The following CNTN4 variants were observed in gnomAD, a reference collection of about 807,000 sequenced individuals.
CNTN4 encodes the protein contactin-4.
In CNTN4, 77 loss-of-function variants were observed where a neutral mutation model predicts 122.5. The observed-to-expected ratio is 0.63, with a 90% CI of 0.52 to 0.76. The LOEUF (loss-of-function observed/expected upper bound fraction) is 0.76. Among genes scored for constraint, CNTN4 ranks in the 30% least tolerant of loss-of-function variants. The pLI is 0.00. For synonymous variants in CNTN4, 512 were observed against 447.0 expected, an observed-to-expected ratio of 1.15 and a Z score of -1.83; for missense variants, 1,256 against 1,259.1, an observed-to-expected ratio of 1.00 and a Z score of 0.04.
intron 15 of CNTN4, among the ~76,000 whole-genome samples, chr3:3,027,786 C>T (rs537445523): frequency 3.3e-5 from 5 of 152,310 alleles, no homozygotes; most frequent in Admixed American, 3.3e-4. Context: ...ACCATTCAGA[C>T]ACATGTAGCC....
intron 6 of CNTN4, among the ~76,000 whole-genome samples, chr3:2,785,160 G>T (rs1454465732): frequency 4.1e-5 from 6 of 146,354 alleles, no homozygotes; most frequent in South Asian, 4.4e-4. Context: ...GAGAGAGAGA[G>T]AGAGAGAGAT....
chr3:2,428,249 T>G (rs2047921367), intron 3 of CNTN4, among the ~76,000 whole-genome samples: 1 of 152,192 alleles, frequency 6.6e-6, no homozygotes. Context: ...CTTCAGGAGC[T>G]CTTGTAAGGC....
intron 17 of CNTN4, among the ~76,000 whole-genome samples, chr3:3,036,075 C>T (rs908374616): frequency 6.6e-6 from 1 of 152,156 alleles, no homozygotes; most frequent in Non-Finnish European, 1.5e-5. Flanking sequence ...TCTGTCAGTA[C>T]CTCCAAATTG....
At chr3:2,832,888 A>G (rs140065516) in intron 7 of CNTN4, among the ~76,000 whole-genome samples, 2 of 152,358 alleles carry the variant, frequency 1.3e-5, no homozygotes, top group East Asian at 3.9e-4. Context: ...CAAGGCTGGG[A>G]TAGAATTACA....
intron 4 of CNTN4, among the ~76,000 whole-genome samples, chr3:2,598,526 G>A (rs531773989): frequency 6.6e-6 from 1 of 152,090 alleles, no homozygotes; most frequent in Non-Finnish European, 1.5e-5. Flanking sequence ...GAGTGAGTGT[G>A]TATTTTTGCA....
intron 7 of CNTN4, among the ~76,000 whole-genome samples, chr3:2,844,425 G>A (rs2093420334): frequency 6.6e-6 from 1 of 152,182 alleles, no homozygotes; most frequent in Non-Finnish European, 1.5e-5. Flanking sequence ...CTCAAGGCTT[G>A]CAGTAGGCTG....
At position 2,895,053 on chromosome 3, in the gene CNTN4, A is replaced by G. The variant is rs1332654296; in HGVS notation, c.941-5632A>G. 1.3e-5 allele frequency among the ~76,000 whole-genome samples: 2 copies of G among 152,096 alleles called. 1 individual carries two copies. Among genetic ancestry groups the G allele is most frequent in the Non-Finnish European group, 2.9e-5 (2 of 68,000 alleles). On this transcript the variant is annotated intron_variant, in intron 10 of 24. Coordinates refer to ENST00000418658, the MANE Select transcript of CNTN4 (RefSeq NM_175607.3). Reference sequence around the variant, plus strand: ...CTTGCTCTGTCCCCCATGCTGGAGTACAGTGGTACGATCTCAGCTCACCGT... The same window carrying G: ...CTTGCTCTGTCCCCCATGCTGGAGTGCAGTGGTACGATCTCAGCTCACCGT...
intron 2 of CNTN4, among the ~76,000 whole-genome samples, chr3:2,203,001 T>TC (rs2038170810): frequency 6.6e-6 from 1 of 151,396 alleles, no homozygotes; most frequent in African/African-American, 2.4e-5. Context: ...ATTTTTTTTT[T>TC]TTTTGCATTT....
intron 3 of CNTN4, among the ~76,000 whole-genome samples, chr3:2,556,805 T>G (rs1425681437): frequency 6.6e-6 from 1 of 152,132 alleles, no homozygotes; most frequent in Non-Finnish European, 1.5e-5. Flanking sequence ...AGTTCTAAGG[T>G]CCAAACTTAA....
Position 3,023,970 on chromosome 3 carries a change from A to G in CNTN4, c.1487-2132A>G, listed in dbSNP as rs141784022. Reference sequence around the variant, plus strand: ...AGACATCAGTCTGCTCATTTGTTAAATAGGGATGATAATAGTACCTATTTG... The same window carrying G: ...AGACATCAGTCTGCTCATTTGTTAAGTAGGGATGATAATAGTACCTATTTG... On this transcript the variant is annotated intron_variant, in intron 14 of 24. Transcript: ENST00000418658. 1.0e-2 allele frequency among the ~76,000 whole-genome samples: 1,522 copies of G among 152,316 alleles called. 30 individuals carry two copies. The highest frequency in any genetic ancestry group is 0.035 in the African/African-American group (1,448 of 41,560).
At chr3:2,604,482 A>G (rs1039951107) in intron 4 of CNTN4, among the ~76,000 whole-genome samples, 1 of 152,222 alleles carries the variant, frequency 6.6e-6, no homozygotes, top group Non-Finnish European at 1.5e-5. Flanking sequence ...TCAGCAAAAT[A>G]GATACATATC....
chr3:2,996,647 G>A lies in CNTN4; in HGVS notation c.1486+8175G>A, dbSNP rs542683604. 1.1e-4 allele frequency among the ~76,000 whole-genome samples: 17 copies of A among 152,238 alleles called. No homozygotes were observed. The South Asian group carries it at 3.1e-3, about 28-fold the overall frequency. Reference sequence around the variant, plus strand: ...TTTCCAGCAATTCAAAGAGACTTATGTTATACTGATTCAGTTTAATTGAAC... The same window carrying A: ...TTTCCAGCAATTCAAAGAGACTTATATTATACTGATTCAGTTTAATTGAAC... On this transcript the variant is annotated intron_variant, in intron 14 of 24. Transcript: ENST00000418658.
At chr3:2,431,924 G>C (rs1575615715) in intron 3 of CNTN4, among the ~76,000 whole-genome samples, 1 of 152,242 alleles carries the variant, frequency 6.6e-6, no homozygotes, top group East Asian at 1.9e-4. Context: ...TAAACATATA[G>C]AGTATACCTG....
intron 2 of CNTN4, among the ~76,000 whole-genome samples, chr3:2,315,845 A>G (rs1179061512): frequency 6.6e-6 from 1 of 152,130 alleles, no homozygotes; most frequent in Non-Finnish European, 1.5e-5. Context: ...TGGCTTAAAA[A>G]ATTACATCCA....
chr3:2,476,059 C>T (rs977982529), intron 3 of CNTN4, among the ~76,000 whole-genome samples: 1 of 152,198 alleles, frequency 6.6e-6, no homozygotes, highest in Admixed American at 6.5e-5. Context: ...AGTCTAAATT[C>T]ACTCCAAATA....
intron 2 of CNTN4, among the ~76,000 whole-genome samples, chr3:2,189,844 C>T (rs991612820): frequency 6.6e-6 from 1 of 152,182 alleles, no homozygotes; most frequent in African/African-American, 2.4e-5. Context: ...TCGTCAGTAG[C>T]CTTCAGCCAA....
chr3:2,275,835 A>T (rs2041483631), intron 2 of CNTN4, among the ~76,000 whole-genome samples: 1 of 149,786 alleles, frequency 6.7e-6, no homozygotes, highest in Non-Finnish European at 1.5e-5. Flanking sequence ...CAGGAGAATC[A>T]CGTGAACCTG....
At chr3:2,383,907 A>G (rs1030531911) in intron 3 of CNTN4, among the ~76,000 whole-genome samples, 3 of 152,132 alleles carry the variant, frequency 2.0e-5, no homozygotes, top group African/African-American at 7.2e-5. Context: ...TTGTAAAGCC[A>G]CAAAATTATA....
At chr3:2,953,246 A>G (rs2094764380) in intron 13 of CNTN4, among the ~76,000 whole-genome samples, 1 of 152,052 alleles carries the variant, frequency 6.6e-6, no homozygotes, top group South Asian at 2.1e-4. Flanking sequence ...AAGCTCCCCT[A>G]ACTGGTAGCC....
Sources: allele counts gnomAD v4.1 joint callset (sites outside exome capture counted in the v4.1 genomes callset), GRCh38; gene constraint gnomAD v4.1.1; transcripts MANE v1.5; gene names NCBI Gene and HGNC (gene_info 2026-07-23, HGNC 2026-07-21).